RAB37: variants seen among roughly 807,000 people sequenced by gnomAD.
The protein encoded by RAB37 is ras-related protein Rab-37.
RAB37 carries 29 observed loss-of-function variants against 33.1 expected under a neutral mutation model. The observed-to-expected ratio is 0.88, with a 90% CI of 0.65 to 1.20. RAB37 has a LOEUF of 1.20. Among genes scored for constraint, RAB37 ranks in the 50% most tolerant of loss-of-function variants. RAB37 has a pLI of 0.00. For missense variants in RAB37, 299 were observed against 301.1 expected, an observed-to-expected ratio of 0.99 and a Z score of 0.05; for synonymous variants, 128 against 119.5, an observed-to-expected ratio of 1.07 and a Z score of -0.47.
intron 2 of RAB37, among the ~76,000 whole-genome samples, chr17:74,741,897 GT>G (rs2034627420): frequency 6.6e-6 from 1 of 152,344 alleles, no homozygotes; most frequent in Admixed American, 6.5e-5. Flanking sequence ...CTCGGTCACA[GT>G]CCCAAGGCTA....
chr17:74,728,295 CTGTG>C (rs763155948), intron 1 of RAB37, among the ~76,000 whole-genome samples: 1 of 150,488 alleles, frequency 6.6e-6, no homozygotes, highest in African/African-American at 2.4e-5. Flanking sequence ...TGTGTGTGTT[CTGTG>C]TGTATGTGTG....
chr17:74,724,969 C>CATTT (rs1360128081), intron 1 of RAB37, among the ~76,000 whole-genome samples: 1 of 152,202 alleles, frequency 6.6e-6, no homozygotes, highest in East Asian at 1.9e-4. Flanking sequence ...CCATCCCTAA[C>CATTT]ATTTGGGGGC....
chr17:74,733,448 AGGTGTG>A (rs368002344), upstream of RAB37, among the ~76,000 whole-genome samples: 1 of 168 alleles, frequency 6.0e-3, no homozygotes. Context: ...GTGTGATGTG[AGGTGTG>A]TGTGATTTGA....
chr17:74,737,348 T>C lies in RAB37; in HGVS notation c.76T>C (p.Tyr26His). The C allele has an allele frequency of 6.3e-7, 1 of 1,576,416 alleles. No homozygotes were observed. The highest frequency in any genetic ancestry group is 1.8e-5 in the Admixed American group (1 of 56,036). ...GCGCTCCCCGCCCTGCAGTCCGAGC[T>C]ACGACCTCACGGGCAAGGTGGGTGG... ...PERSPPCSPS[Y>H]DLTGKVMLLG... The change falls in exon 1 of 9, where the codon TAC becomes CAC. Residue 26 changes from tyrosine to histidine, a missense_variant. Transcript: ENST00000392613.
chr17:74,671,719 C>T lies in RAB37; in HGVS notation c.72+61C>T. ...AAGAGGCGCCAGCACCAGGAGTTTT[C>T]TCCACTCCCCTGACTTTGCTTTGGG... is the stretch of plus-strand genomic sequence containing the variant. On this transcript the variant is annotated intron_variant, in intron 1 of 7. Transcript: ENST00000340415. The surrounding 1 kb of genome is among the most constrained non-coding windows in gnomAD (Gnocchi z 5.0). 2.1e-6 allele frequency: 3 copies of T among 1,442,584 alleles called. No homozygotes were observed. The highest frequency in any genetic ancestry group is 2.3e-5 in the East Asian group (1 of 44,010). 89.4% of individuals were successfully genotyped at this position (1,442,584 alleles called of 1,614,324 possible). A position where few individuals can be genotyped will look rare whatever the true frequency, so the allele number is the denominator to read the frequency against.
At chr17:74,695,651 C>A (rs2032377253) in intron 1 of RAB37, 1 of 1,603,752 alleles carries the variant, frequency 6.2e-7, no homozygotes. Flanking sequence ...AGAAAGCCCA[C>A]CCTCCAACGG....
chr17:74,674,509 C>T (rs529522458), intron 1 of RAB37, among the ~76,000 whole-genome samples: 2 of 152,028 alleles, frequency 1.3e-5, no homozygotes, highest in East Asian at 3.9e-4. Flanking sequence ...GAAACTTTGT[C>T]TCTACTAAAA....
rs1192234963 is a variant in RAB37, at chr17:74,744,951, A to G, written c.489+22A>G. The G allele has an allele frequency of 9.9e-6, 16 of 1,614,228 alleles. No individual in the cohort carries two copies. The highest frequency in any genetic ancestry group is 1.7e-5 in the Admixed American group (1 of 60,038). On this transcript the variant is annotated intron_variant, in intron 7 of 8. Coordinates refer to ENST00000392613, the MANE Select transcript of RAB37 (RefSeq NM_001006638.3). The surrounding 1 kb of genome is among the most constrained non-coding windows in gnomAD (Gnocchi z 4.2). ...CAGGGTAAGTGATTGTCTGTGGGAC[A>G]GGGTGAAGGGTGGGGGCAACCCGAC...
At chr17:74,736,374 C>T (rs937396775), upstream of RAB37, among the ~76,000 whole-genome samples, 1 of 152,214 alleles carries the variant, frequency 6.6e-6, no homozygotes, top group African/African-American at 2.4e-5. Flanking sequence ...GCCACAGAGC[C>T]CCTGAGCTCT....
At chr17:74,683,774 T>C (rs1260962944) in intron 1 of RAB37, among the ~76,000 whole-genome samples, 1 of 152,094 alleles carries the variant, frequency 6.6e-6, no homozygotes, top group South Asian at 2.1e-4. Flanking sequence ...GTGCCTCGAG[T>C]AACCAGGGAA....
intron 1 of RAB37, among the ~76,000 whole-genome samples, chr17:74,714,201 ACT>A (rs1174054375): frequency 6.6e-6 from 1 of 151,870 alleles, no homozygotes; most frequent in East Asian, 1.9e-4. Flanking sequence ...ACAGAGCAAG[ACT>A]CTGTCTCAAA....
chr17:74,683,060 T>A (rs564202931), intron 1 of RAB37, among the ~76,000 whole-genome samples: 1 of 152,260 alleles, frequency 6.6e-6, no homozygotes, highest in African/African-American at 2.4e-5. Flanking sequence ...TGAAAAGAAA[T>A]GAAGAGAACT....
rs201066696 is a variant in RAB37, at chr17:74,744,820, G to T, written c.433-53G>T. On this transcript the variant is annotated intron_variant, in intron 6 of 8. Transcript: ENST00000392613. The surrounding 1 kb of genome is among the most constrained non-coding windows in gnomAD (Gnocchi z 4.2). ...CGCCTGCTTCTGGGGCAAAATATGG[G>T]CCCGCTGGGGCGGAGGCCTCCTTCC... 8.7e-6 allele frequency: 14 copies of T among 1,607,350 alleles called. No individual in the cohort carries two copies. The highest frequency in any genetic ancestry group is 9.4e-6 in the Non-Finnish European group (11 of 1,173,976).
chr17:74,695,579 C>G (rs908080676), intron 1 of RAB37: 1 of 1,176,720 alleles, frequency 8.5e-7, no homozygotes, highest in Admixed American at 2.3e-5. Context: ...AGCTCCTAGG[C>G]GAGTCCTGCA....
chr17:74,726,091 C>T (rs2034302646), intron 1 of RAB37, among the ~76,000 whole-genome samples: 2 of 151,836 alleles, frequency 1.3e-5, no homozygotes, highest in Admixed American at 1.3e-4. Flanking sequence ...AAAAATTAGC[C>T]AGGTGTGGTG....
intron 1 of RAB37, among the ~76,000 whole-genome samples, chr17:74,726,806 G>C (rs111693042): frequency 6.6e-6 from 1 of 152,164 alleles, no homozygotes; most frequent in Non-Finnish European, 1.5e-5. Context: ...ATGCTTTTAC[G>C]GTTTAGTTGT....
intron 1 of RAB37, among the ~76,000 whole-genome samples, chr17:74,687,815 T>C (rs2032084810): frequency 6.6e-6 from 1 of 152,170 alleles, no homozygotes. Context: ...ACCGGATCCA[T>C]GGCTGCCAAT....
At chr17:74,712,861 G>A (rs775631325) in intron 1 of RAB37, 8 of 1,613,854 alleles carry the variant, frequency 5.0e-6, no homozygotes, top group Admixed American at 1.7e-5. Flanking sequence ...GTGTCAGCAG[G>A]GGCATCTTCT....
intron 1 of RAB37, among the ~76,000 whole-genome samples, chr17:74,713,219 C>T (rs1335617422): frequency 2.0e-5 from 3 of 151,410 alleles, no homozygotes; most frequent in African/African-American, 2.4e-5. Context: ...ACAGAAGAAT[C>T]GCTTGAACCT....
Sources: gnomAD v4.1 joint callset for allele counts (sites outside exome capture counted in the v4.1 genomes callset) on GRCh38, gnomAD v4.1.1 for gene constraint, Gnocchi (gnomAD v3.1) non-coding constraint, MANE v1.5 for transcripts, NCBI Gene and HGNC (gene_info 2026-07-23, HGNC 2026-07-21) for gene names.